SUFU: variants seen among roughly 807,000 people sequenced by gnomAD.
The protein encoded by SUFU is SUFU negative regulator of hedgehog signaling.
Under a neutral mutation model 58.9 loss-of-function variants are expected in SUFU, and 7 were observed. The ratio of observed to expected loss-of-function variants is 0.12; its 90% confidence interval spans 0.07 to 0.22. The LOEUF is 0.22. Ranked by LOEUF, SUFU falls within the 10% of genes least tolerant of loss-of-function variation. The pLI is 1.00. For synonymous variants in SUFU, 232 were observed against 254.8 expected (o/e 0.91, Z 0.85); for missense variants, 451 against 641.3 (o/e 0.70, Z 3.20).
intron 8 of SUFU, 82 bp from the exon 9 acceptor site, chr10:102,615,184 CAG>C (rs1048818277): frequency 1.3e-6 from 2 of 1,583,444 alleles, no homozygotes; most frequent in African/African-American, 2.7e-5. Context: ...CTTTATTACT[CAG>C]GAGCCCAGCT....
chr10:102,597,515 C>T (rs1164901100), intron 7 of SUFU, among the ~76,000 whole-genome samples: 1 of 152,254 alleles, frequency 6.6e-6, no homozygotes, highest in Non-Finnish European at 1.5e-5. Context: ...TCAAATGCAT[C>T]ACCAGCAGGC....
In SUFU at chr10:102,628,743, G is replaced by C. The variant is rs80228483; in HGVS notation, c.1366-1323G>C. 8.8e-3 allele frequency among the ~76,000 whole-genome samples: 1,339 copies of C among 152,312 alleles called. 17 individuals carry two copies. The highest frequency in any genetic ancestry group is 0.03 in the African/African-American group (1,263 of 41,564). On this transcript the variant is annotated intron_variant, in intron 11 of 11. Transcript: ENST00000369902. This position sits in a 1 kb window ranked among gnomAD's most constrained non-coding sequence, Gnocchi z 4.5. ...ACAGTCCCCCAGCAGAGGGAGCGAAGAGGGAGGCAGCCAGGAAGGGTCAGG... is the reference window on the plus strand; with the variant it reads ...ACAGTCCCCCAGCAGAGGGAGCGAACAGGGAGGCAGCCAGGAAGGGTCAGG...
At chr10:102,604,566 G>C (rs2063544605) in intron 8 of SUFU, among the ~76,000 whole-genome samples, 1 of 152,052 alleles carries the variant, frequency 6.6e-6, no homozygotes, top group Non-Finnish European at 1.5e-5. Flanking sequence ...CTTGATCCTC[G>C]GTGTCACCCA....
chr10:102,530,185 G>A (rs1016030556), intron 2 of SUFU, among the ~76,000 whole-genome samples: 7 of 152,212 alleles, frequency 4.6e-5, no homozygotes, highest in Admixed American at 6.5e-5. Flanking sequence ...GTGTATTCTC[G>A]TCCACTTTGC....
rs372426793 is a variant in SUFU at position 102,593,869 on chromosome 10, A to G, written c.684-124A>G. ...GCTTCCTGACGACTCACTCCCTGAC[A>G]GTCCCTGACCACGAACTATTCCCCT... On this transcript the variant is annotated intron_variant, in intron 5 of 11. Transcript: ENST00000369902. 108 of 1,395,420 alleles carry G rather than the reference A, an allele frequency of 7.7e-5. No individual in the cohort carries two copies. In the African/African-American group the frequency reaches 1.1e-3, roughly 14 times the overall value. The allele number at this position is 1,395,420 out of a possible 1,614,324, so 86.4% of individuals were successfully genotyped here.
At chr10:102,622,397 G>A (rs1337869009) in intron 10 of SUFU, among the ~76,000 whole-genome samples, 6 of 151,870 alleles carry the variant, frequency 4.0e-5, no homozygotes, top group Non-Finnish European at 8.8e-5. Flanking sequence ...ATCATCTGAG[G>A]TCGGGAGTTC....
intron 2 of SUFU, among the ~76,000 whole-genome samples, chr10:102,548,120 C>T (rs533822164): frequency 2.6e-4 from 40 of 152,276 alleles, no homozygotes; most frequent in Middle Eastern, 6.8e-3. Context: ...CGCCACTGCA[C>T]TCCAGCCTGA....
chr10:102,622,991 CAAAAAAAAAAA>C (rs60442672), intron 10 of SUFU, among the ~76,000 whole-genome samples: 2 of 58,374 alleles, frequency 3.4e-5, no homozygotes, highest in African/African-American at 6.6e-5. Flanking sequence ...AACTCCGTCT[CAAAAAAAAAAA>C]AAAAAAAAAA....
chr10:102,599,192 T>C (rs1026220520), intron 7 of SUFU, among the ~76,000 whole-genome samples: 2 of 152,158 alleles, frequency 1.3e-5, no homozygotes, highest in Non-Finnish European at 2.9e-5. Flanking sequence ...TTCTGAACTC[T>C]AGAGGCTGCC....
chr10:102,607,252 G>A (rs375251967), intron 8 of SUFU, among the ~76,000 whole-genome samples: 9 of 151,988 alleles, frequency 5.9e-5, no homozygotes, highest in South Asian at 4.2e-4. Context: ...GTTTTACTGC[G>A]TTGCCCAGGC....
At chr10:102,541,697 C>CTTTT (rs869264798) in intron 2 of SUFU, among the ~76,000 whole-genome samples, 1,398 of 55,976 alleles carry the variant, frequency 0.025, 59 homozygotes, top group Non-Finnish European at 0.029. Flanking sequence ...CCGCGCCCGG[C>CTTTT]TTTTTTTTTT....
chr10:102,603,992 A>C (rs930347830), intron 8 of SUFU, among the ~76,000 whole-genome samples: 12 of 152,234 alleles, frequency 7.9e-5, no homozygotes, highest in African/African-American at 2.7e-4. Context: ...CCATCTGGGG[A>C]AACAGCTGGG....
chr10:102,541,216 AC>A (rs1232120929), intron 2 of SUFU, among the ~76,000 whole-genome samples: 4 of 152,208 alleles, frequency 2.6e-5, no homozygotes, highest in African/African-American at 7.2e-5. Flanking sequence ...AAAAGTGAGA[AC>A]TATACAAAAA....
chr10:102,571,404 C>T (rs2063158922), intron 3 of SUFU, among the ~76,000 whole-genome samples: 1 of 152,198 alleles, frequency 6.6e-6, no homozygotes, highest in African/African-American at 2.4e-5. Flanking sequence ...GTGGCTGACG[C>T]CTGTAATCCC....
In SUFU at chr10:102,577,762, G is replaced by C. The variant is rs1351833759; in HGVS notation, c.455-14820G>C. On this transcript the variant is annotated intron_variant, in intron 3 of 11. Coordinates refer to ENST00000369902, the MANE Select transcript of SUFU (RefSeq NM_016169.4). Reference sequence around the variant, plus strand: ...GTGGCACGATCCCGGCTCACTGCAAGCTCCGCCTCCCGGATTCACGCCATT... The same window carrying C: ...GTGGCACGATCCCGGCTCACTGCAACCTCCGCCTCCCGGATTCACGCCATT... 2.0e-5 allele frequency among the ~76,000 whole-genome samples: 3 copies of C among 147,568 alleles called. No homozygotes were observed. The East Asian group carries it at 6.6e-4, about 32-fold the overall frequency.
intron 2 of SUFU, among the ~76,000 whole-genome samples, chr10:102,542,872 G>A (rs1253719027): frequency 1.3e-5 from 2 of 151,980 alleles, no homozygotes; most frequent in Admixed American, 1.3e-4. Context: ...CAATCTACCG[G>A]CTTTGGCCTC....
intron 2 of SUFU, among the ~76,000 whole-genome samples, chr10:102,520,950 G>C (rs1363083037): frequency 1.3e-5 from 2 of 152,112 alleles, no homozygotes; most frequent in Non-Finnish European, 2.9e-5. Flanking sequence ...ACAGGTTTTT[G>C]TGTGGACATA....
intron 3 of SUFU, among the ~76,000 whole-genome samples, chr10:102,559,253 A>G (rs958309902): frequency 2.6e-5 from 4 of 152,164 alleles, no homozygotes; most frequent in African/African-American, 9.7e-5. Context: ...TAGGTCAAGG[A>G]TGATATTGGC....
Position 102,593,617 on chromosome 10 carries a change from T to C in SUFU, c.598-19T>C. ...GGGTGGCCATTAACACACAATGGGC[T>C]TTCTATCCTGGGCCTCAGATCGTTG... On this transcript the variant is annotated intron_variant, in intron 4 of 11. Coordinates refer to ENST00000369902, the MANE Select transcript of SUFU (RefSeq NM_016169.4). 1 of 1,614,128 alleles carries C rather than the reference T, an allele frequency of 6.2e-7. No homozygotes were observed. The highest frequency in any genetic ancestry group is 1.1e-5 in the South Asian group (1 of 91,092).
Sources: gnomAD v4.1 joint callset for allele counts (sites outside exome capture counted in the v4.1 genomes callset) on GRCh38, gnomAD v4.1.1 for gene constraint, Gnocchi (gnomAD v3.1) non-coding constraint, MANE v1.5 for transcripts, NCBI Gene and HGNC (gene_info 2026-07-23, HGNC 2026-07-21) for gene names.